The following GPATCH2L variants were observed in gnomAD, a reference collection of about 807,000 sequenced individuals.
GPATCH2L encodes the protein G patch domain-containing protein 2-like.
GPATCH2L carries 31 observed loss-of-function variants against 57.4 expected under a neutral mutation model. That is an observed-to-expected ratio of 0.54 (90% confidence interval 0.41 to 0.73). The LOEUF (loss-of-function observed/expected upper bound fraction) is 0.73. Among genes scored for constraint, GPATCH2L ranks in the 30% least tolerant of loss-of-function variants. The pLI is 0.00. For missense variants in GPATCH2L, 481 were observed against 599.9 expected, an observed-to-expected ratio of 0.80 and a Z score of 2.07; for synonymous variants, 199 against 210.7, an observed-to-expected ratio of 0.94 and a Z score of 0.48.
intron 7 of GPATCH2L, chr14:76,179,531 A>G (rs902322731): frequency 1.3e-5 from 2 of 152,250 alleles, no homozygotes; most frequent in African/African-American, 4.8e-5. Flanking sequence ...GCAAATGACG[A>G]ACTGGAGATC....
chr14:76,193,418 G>T (rs1054959689), intron 8 of GPATCH2L, among the ~76,000 whole-genome samples: 1 of 152,116 alleles, frequency 6.6e-6, no homozygotes, highest in Non-Finnish European at 1.5e-5. Context: ...GATACTCCAA[G>T]AATTAGTATC....
chr14:76,193,119 A>AT (rs2040035361), intron 8 of GPATCH2L, among the ~76,000 whole-genome samples: 1 of 152,220 alleles, frequency 6.6e-6, no homozygotes, highest in Admixed American at 6.5e-5. Context: ...TGTGTGCGTA[A>AT]TAATAGGTAA....
rs754855329 is a variant in GPATCH2L, at chr14:76,154,870, C to T, written c.507C>T (p.Ser169=). ...RFKSAKKQRL[S]RWKENTPWTS... is the part of the protein sequence containing the mutation. ...AGTCTGCTAAGAAGCAGCGTCTGTC[C>T]CGCTGGAAGGAGAATACTCCCTGGA... The change falls in exon 2 of 10, where the codon TCC becomes TCT. Residue 169 remains serine (S), a synonymous_variant. Coordinates refer to ENST00000261530, the MANE Select transcript of GPATCH2L (RefSeq NM_017926.4). The surrounding 1 kb of genome is among the most constrained non-coding windows in gnomAD (Gnocchi z 4.4). 1.4e-5 allele frequency: 23 copies of T among 1,614,044 alleles called. No individual in the cohort carries two copies. The East Asian group carries it at 4.7e-4, about 33-fold the overall frequency.
intron 6 of GPATCH2L, among the ~76,000 whole-genome samples, chr14:76,177,642 T>TATTTCTG (rs1350405058): frequency 6.6e-6 from 1 of 152,088 alleles, no homozygotes; most frequent in African/African-American, 2.4e-5. Flanking sequence ...ATCTTGGGTT[T>TATTTCTG]ATTTCTGTTG....
rs149100988 is a variant in GPATCH2L at position 76,158,933 on chromosome 14, G to T, written c.662+3908G>T. On this transcript the variant is annotated intron_variant, in intron 2 of 9. Coordinates refer to ENST00000261530, the MANE Select transcript of GPATCH2L (RefSeq NM_017926.4). ...TCGTAAAAGAGTCTACCTCTTAAAA[G>T]AAATATTGGGATTGTTCTGTGTGGC... is the stretch of plus-strand genomic sequence containing the variant. 3.4e-3 allele frequency among the ~76,000 whole-genome samples: 520 copies of T among 152,266 alleles called. 4 individuals carry two copies. Among genetic ancestry groups the T allele is most frequent in the African/African-American group, 0.012 (483 of 41,548 alleles).
rs375395620 is a variant in GPATCH2L, at chr14:76,166,696, T to C, written c.696T>C (p.Thr232=). Residue 232 remains threonine (T), a synonymous_variant, in exon 3 of 10, where the codon ACT becomes ACC. Coordinates refer to ENST00000261530, the MANE Select transcript of GPATCH2L (RefSeq NM_017926.4). ...ETSSVCSSSD[T]GLFTNDEGRQ... ...GCAGTGTGTGTAGCAGCAGTGACAC[T>C]GGGCTCTTTACCAATGATGAAGGGC... 3 of 1,611,718 alleles carry C rather than the reference T, an allele frequency of 1.9e-6. No homozygotes were observed. The African/African-American group carries it at 4.0e-5, about 22-fold the overall frequency.
chr14:76,188,699 T>A (rs2039860979), intron 8 of GPATCH2L, among the ~76,000 whole-genome samples: 1 of 152,066 alleles, frequency 6.6e-6, no homozygotes, highest in South Asian at 2.1e-4. Context: ...TGCAGAAGGT[T>A]TTTAACTCAA....
downstream of GPATCH2L, among the ~76,000 whole-genome samples, chr14:76,218,202 G>A (rs2040497623): frequency 6.6e-6 from 1 of 152,116 alleles, no homozygotes; most frequent in Non-Finnish European, 1.5e-5. Context: ...AAAATGTTCT[G>A]TAAGACTTAG....
At chr14:76,188,035 C>T (rs2039833960) in intron 8 of GPATCH2L, among the ~76,000 whole-genome samples, 1 of 152,066 alleles carries the variant, frequency 6.6e-6, no homozygotes, top group African/African-American at 2.4e-5. Context: ...CATGTTGTTG[C>T]AAATAACAGG....
chr14:76,233,992 C>G (rs2040586925), intron 2 of GPATCH2L, among the ~76,000 whole-genome samples: 1 of 152,038 alleles, frequency 6.6e-6, no homozygotes. Context: ...CACCTGCAGT[C>G]CTAGATACCT....
chr14:76,165,744 C>T (rs2038805043), intron 2 of GPATCH2L, among the ~76,000 whole-genome samples: 1 of 152,104 alleles, frequency 6.6e-6, no homozygotes, highest in Admixed American at 6.6e-5. Flanking sequence ...GGAAATGTTG[C>T]AAAATACAAA....
intron 4 of GPATCH2L, 62 bp downstream of exon 4, chr14:76,172,081 C>A (rs1358104792): frequency 2.8e-6 from 3 of 1,058,918 alleles, no homozygotes; most frequent in Non-Finnish European, 4.1e-6. Context: ...AGAGCAATCA[C>A]CCCCTAGCAA....
At chr14:76,183,551 T>C (rs989865039) in intron 8 of GPATCH2L, among the ~76,000 whole-genome samples, 2 of 152,242 alleles carry the variant, frequency 1.3e-5, no homozygotes, top group African/African-American at 4.8e-5. Flanking sequence ...GTATATGTAC[T>C]ACATACATAA....
chr14:76,165,071 C>T (rs138476732), intron 2 of GPATCH2L, among the ~76,000 whole-genome samples: 114 of 152,358 alleles, frequency 7.5e-4, no homozygotes, highest in African/African-American at 2.5e-3. Flanking sequence ...TTTCTTTACA[C>T]TAACTCTGTT....
chr14:76,234,189 T>C (rs1249056599), intron 2 of GPATCH2L, among the ~76,000 whole-genome samples: 1 of 152,212 alleles, frequency 6.6e-6, no homozygotes, highest in Non-Finnish European at 1.5e-5. Context: ...TGTCTTTTAA[T>C]GTAATATATG....
chr14:76,215,190 G>A (rs1026198263), downstream of GPATCH2L, among the ~76,000 whole-genome samples: 1 of 152,068 alleles, frequency 6.6e-6, no homozygotes, highest in South Asian at 2.1e-4. Flanking sequence ...GGCCATCAGA[G>A]AAATGCAAAT....
intron 9 of GPATCH2L, among the ~76,000 whole-genome samples, chr14:76,197,980 A>G (rs1298359126): frequency 6.6e-6 from 1 of 152,142 alleles, no homozygotes; most frequent in East Asian, 1.9e-4. Flanking sequence ...TTGAGTTGCA[A>G]TTGACTGAAT....
intron 1 of GPATCH2L, among the ~76,000 whole-genome samples, chr14:76,224,079 C>T (rs2040526657): frequency 6.6e-6 from 1 of 152,202 alleles, no homozygotes; most frequent in Admixed American, 6.5e-5. Context: ...AGTACTGATT[C>T]ATGTGGCAAC....
In GPATCH2L at chr14:76,202,439, T is replaced by G. The variant is rs1566818076; in HGVS notation, c.*588T>G. 1 of 152,684 alleles carries G rather than the reference T, an allele frequency of 6.5e-6. No homozygotes were observed. Among genetic ancestry groups the G allele is most frequent in the Non-Finnish European group, 1.5e-5 (1 of 68,098 alleles). 9.5% of individuals were successfully genotyped at this position (152,684 alleles called of 1,614,324 possible). A position where few individuals can be genotyped will look rare whatever the true frequency, so the allele number is the denominator to read the frequency against. ...TGAGAACTTCCATTTTTTTGCAGAT[T>G]GTCTGCAGAAACTCAGACAGCTCAT... On this transcript the variant is annotated 3_prime_UTR_variant, in exon 10 of 10. Transcript: ENST00000261530.
Sources: allele counts gnomAD v4.1 joint callset (sites outside exome capture counted in the v4.1 genomes callset), GRCh38; gene constraint gnomAD v4.1.1; non-coding constraint Gnocchi (gnomAD v3.1); transcripts MANE v1.5; gene names NCBI Gene and HGNC (gene_info 2026-07-23, HGNC 2026-07-21).